KLF12: variants seen among roughly 807,000 people sequenced by gnomAD.
KLF12 encodes the protein Krueppel-like factor 12.
KLF12 carries 9 observed loss-of-function variants against 37.8 expected under a neutral mutation model. The observed-to-expected ratio is 0.24, with a 90% CI of 0.14 to 0.42. The LOEUF (loss-of-function observed/expected upper bound fraction) is 0.42. KLF12 is among the 10% of genes least tolerant of loss of function. The pLI, the probability that KLF12 is intolerant of heterozygous loss-of-function variation, is 1.00. For synonymous variants in KLF12, 208 were observed against 202.1 expected, an observed-to-expected ratio of 1.03 and a Z score of -0.25; for missense variants, 411 against 516.0, an observed-to-expected ratio of 0.80 and a Z score of 1.97.
At chr13:73,877,589 T>C (rs1440384136) in intron 3 of KLF12, among the ~76,000 whole-genome samples, 2 of 152,190 alleles carry the variant, frequency 1.3e-5, no homozygotes, top group Non-Finnish European at 2.9e-5. Flanking sequence ...GCTGCCACTG[T>C]TGATATTGAC....
Position 74,057,809 on chromosome 13 carries a change from T to C in KLF12, c.-31-62756A>G, listed in dbSNP as rs561022403. On this transcript the variant is annotated intron_variant, in intron 1 of 7. Transcript: ENST00000377669. ...GAAATGAGGAAAAATAAGGGAATGG[T>C]AACATTCAAAGGGAGAAGAGAAAGA... Among the ~76,000 whole-genome samples the C allele has an allele frequency of 1.1e-4, 17 of 151,980 alleles. 1 individual carries two copies. The South Asian group carries it at 3.5e-3, about 32-fold the overall frequency.
At chr13:73,744,398 G>C (rs1878221336) in intron 6 of KLF12, among the ~76,000 whole-genome samples, 1 of 152,154 alleles carries the variant, frequency 6.6e-6, no homozygotes, top group South Asian at 2.1e-4. Flanking sequence ...GGGCATGGAT[G>C]AAAGGGCGTT....
chr13:74,221,998 C>T, the KLF12 span, among the ~76,000 whole-genome samples: 1 of 152,120 alleles, frequency 6.6e-6, no homozygotes, highest in Non-Finnish European at 1.5e-5. Context: ...TTCCCTTTAC[C>T]CTACCACACC....
chr13:73,966,687 C>A (rs1891179149), intron 2 of KLF12, among the ~76,000 whole-genome samples: 1 of 152,220 alleles, frequency 6.6e-6, no homozygotes, highest in African/African-American at 2.4e-5. Context: ...CAATCTTCCA[C>A]AATCCTTTCT....
chr13:73,968,028 A>G (rs916823833), intron 2 of KLF12, among the ~76,000 whole-genome samples: 2 of 152,154 alleles, frequency 1.3e-5, no homozygotes, highest in African/African-American at 2.4e-5. Flanking sequence ...CTTCTGCCCT[A>G]TGGTGAAACA....
intron 5 of KLF12, among the ~76,000 whole-genome samples, chr13:73,778,702 C>T (rs1880778988): frequency 6.6e-6 from 1 of 152,120 alleles, no homozygotes; most frequent in South Asian, 2.1e-4. Flanking sequence ...CACCAAACAA[C>T]AGCCTGTCAC....
intron 7 of KLF12, among the ~76,000 whole-genome samples, chr13:73,709,344 C>T (rs1002454295): frequency 2.6e-5 from 4 of 152,172 alleles, no homozygotes; most frequent in Non-Finnish European, 5.9e-5. Flanking sequence ...CCTCCCATAG[C>T]GTGCATGGCT....
the KLF12 span, among the ~76,000 whole-genome samples, chr13:74,178,023 CA>C: frequency 3.9e-5 from 6 of 152,202 alleles, no homozygotes; most frequent in Non-Finnish European, 7.3e-5. Flanking sequence ...TTCTCACATA[CA>C]AAAATCTGGA....
the KLF12 span, among the ~76,000 whole-genome samples, chr13:74,227,720 G>A: frequency 1.1e-4 from 16 of 152,092 alleles, no homozygotes; most frequent in Middle Eastern, 3.4e-3. Context: ...GAGAAAGTGG[G>A]CAATTCATGG....
chr13:74,161,374 A>T, the KLF12 span, among the ~76,000 whole-genome samples: 1 of 152,116 alleles, frequency 6.6e-6, no homozygotes, highest in African/African-American at 2.4e-5. Flanking sequence ...CTAAATTTAA[A>T]GCCTGGTGCC....
intron 3 of KLF12, among the ~76,000 whole-genome samples, chr13:73,912,085 G>A: frequency 6.6e-6 from 1 of 152,106 alleles, no homozygotes; most frequent in Non-Finnish European, 1.5e-5. Context: ...AGCTTCTCAG[G>A]AAAATGCTGC....
chr13:74,076,297 T>TA (rs1300884854), intron 1 of KLF12, among the ~76,000 whole-genome samples: 2 of 152,194 alleles, frequency 1.3e-5, no homozygotes, highest in Non-Finnish European at 2.9e-5. Context: ...ACCTAGATTA[T>TA]AAAAACAAAA....
chr13:73,765,883 G>GA (rs957259447), intron 5 of KLF12, among the ~76,000 whole-genome samples: 6 of 151,578 alleles, frequency 4.0e-5, no homozygotes, highest in South Asian at 4.2e-4. Flanking sequence ...TTATTTACAA[G>GA]AAAAAAAATG....
chr13:73,953,873 A>C (rs1890729863), intron 2 of KLF12, among the ~76,000 whole-genome samples: 1 of 152,200 alleles, frequency 6.6e-6, no homozygotes, highest in Non-Finnish European at 1.5e-5. Context: ...AATGAAAACA[A>C]GAAAGAGCAA....
At chr13:74,263,744 G>A in the KLF12 span, among the ~76,000 whole-genome samples, 2 of 152,018 alleles carry the variant, frequency 1.3e-5, no homozygotes, top group African/African-American at 4.8e-5. Context: ...ATCTCAAAAA[G>A]GAAAAAATAA....
intron 2 of KLF12, among the ~76,000 whole-genome samples, chr13:73,956,983 GAGGGA>G: frequency 6.8e-6 from 1 of 146,432 alleles, no homozygotes; most frequent in Non-Finnish European, 1.5e-5. Context: ...GGAGGGAAAG[GAGGGA>G]AGGGAAAGGA....
At chr13:74,098,409 C>A (rs919327467) in intron 1 of KLF12, among the ~76,000 whole-genome samples, 4 of 152,218 alleles carry the variant, frequency 2.6e-5, no homozygotes, top group Non-Finnish European at 5.9e-5. Context: ...TTCAGAAGCA[C>A]TAAGACTTTT....
intron 1 of KLF12, among the ~76,000 whole-genome samples, chr13:74,059,653 G>A (rs1055481641): frequency 6.6e-6 from 1 of 151,976 alleles, no homozygotes; most frequent in Non-Finnish European, 1.5e-5. Flanking sequence ...GTTGAATTCT[G>A]TGTGGATTCC....
chr13:73,906,391 G>A (rs991326118), intron 3 of KLF12, among the ~76,000 whole-genome samples: 1 of 152,002 alleles, frequency 6.6e-6, no homozygotes, highest in African/African-American at 2.4e-5. Flanking sequence ...TGCCTTCTGG[G>A]TAATTCTTAC....
Sources: allele counts gnomAD v4.1 joint callset (sites outside exome capture counted in the v4.1 genomes callset), GRCh38; gene constraint gnomAD v4.1.1; transcripts MANE v1.5; gene names NCBI Gene and HGNC (gene_info 2026-07-23, HGNC 2026-07-21).